IRS1: variants seen among roughly 807,000 people sequenced by gnomAD.
IRS1 encodes the protein insulin receptor substrate 1.
In IRS1, 34 loss-of-function variants were observed where a neutral mutation model predicts 65.6. The observed-to-expected ratio is 0.52, with a 90% confidence interval of 0.39 to 0.69. The LOEUF (loss-of-function observed/expected upper bound fraction) is 0.69, where lower values mean the gene tolerates loss of function less well. Ranked by LOEUF, IRS1 falls within the 30% of genes least tolerant of loss-of-function variation. The pLI is 0.00. For missense variants in IRS1, 1,641 were observed against 1,720.2 expected (o/e 0.95, Z 0.81); for synonymous variants, 699 against 683.5 (o/e 1.02, Z -0.35).
chr2:226,799,390 T>TGCCGCC lies in IRS1; in HGVS notation c.-658_-653dup, dbSNP rs1232830505. On this transcript the variant is annotated 5_prime_UTR_variant, in exon 1 of 2. Coordinates refer to ENST00000305123, the MANE Select transcript of IRS1 (RefSeq NM_005544.3). The surrounding 1 kb of genome is among the most constrained non-coding windows in gnomAD (Gnocchi z 6.1). ...TTGCTGCTGCTGCTGCTGCTGCTGCTGCCGCCGCCCGCGGGCGCGTCCTCT... is the reference window on the plus strand; with the variant it reads ...TTGCTGCTGCTGCTGCTGCTGCTGCTGCCGCCGCCGCCGCCCGCGGGCGCGTCCTCT... 1.1e-4 allele frequency: 144 copies of TGCCGCC among 1,259,854 alleles called. No homozygotes were observed. The African/African-American group carries it at 1.9e-3, about 17-fold the overall frequency. The allele number at this position is 1,259,854 out of a possible 1,614,324, so 78.0% of individuals were successfully genotyped here. A position where few individuals can be genotyped will look rare whatever the true frequency, so the allele number is the denominator to read the frequency against.
chr2:226,781,270 C>T (rs936759201), intron 1 of IRS1, among the ~76,000 whole-genome samples: 4 of 152,166 alleles, frequency 2.6e-5, no homozygotes, highest in Admixed American at 1.3e-4. Context: ...TTCAGAACTC[C>T]TCTCAGCTAA....
chr2:226,748,681 T>C (rs1938608538), intron 1 of IRS1, among the ~76,000 whole-genome samples: 2 of 152,058 alleles, frequency 1.3e-5, no homozygotes, highest in Non-Finnish European at 2.9e-5. Context: ...AGTAGTCAAA[T>C]GCAAGACTGA....
At chr2:226,738,226 T>C (rs1574637661) in intron 1 of IRS1, among the ~76,000 whole-genome samples, 1 of 152,224 alleles carries the variant, frequency 6.6e-6, no homozygotes, top group African/African-American at 2.4e-5. Context: ...TGGACCGATA[T>C]ATTAGGGTGG....
At chr2:226,791,182 C>T (rs542197517) in intron 1 of IRS1, among the ~76,000 whole-genome samples, 2 of 152,108 alleles carry the variant, frequency 1.3e-5, no homozygotes, top group South Asian at 2.1e-4. Flanking sequence ...CCCCCATGAC[C>T]CAAAACGATG....
At chr2:226,764,764 G>T (rs1347236364) in intron 1 of IRS1, among the ~76,000 whole-genome samples, 1 of 152,140 alleles carries the variant, frequency 6.6e-6, no homozygotes, top group Non-Finnish European at 1.5e-5. Context: ...TCACCTCTTG[G>T]GTTGCCGTCG....
At chr2:226,776,120 G>T (rs1939267654) in intron 1 of IRS1, among the ~76,000 whole-genome samples, 1 of 152,056 alleles carries the variant, frequency 6.6e-6, no homozygotes, top group Non-Finnish European at 1.5e-5. Context: ...GTGTCAAAAA[G>T]TAAGGGAATG....
At chr2:226,758,121 C>G (rs1938842671) in intron 1 of IRS1, among the ~76,000 whole-genome samples, 1 of 152,158 alleles carries the variant, frequency 6.6e-6, no homozygotes, top group Admixed American at 6.5e-5. Flanking sequence ...ACAGCTTCTT[C>G]CCCTAATTAT....
chr2:226,787,563 T>C (rs916211082), intron 1 of IRS1, among the ~76,000 whole-genome samples: 5 of 152,088 alleles, frequency 3.3e-5, no homozygotes, highest in Non-Finnish European at 5.9e-5. Flanking sequence ...ATTTGGAACA[T>C]GATAGGTGCT....
intron 1 of IRS1, among the ~76,000 whole-genome samples, chr2:226,776,197 C>T (rs73992209): frequency 0.075 from 11,421 of 152,134 alleles, 699 homozygotes; most frequent in African/African-American, 0.17. Flanking sequence ...CAGGCGCCAA[C>T]TGAAAGGGCT....
intron 1 of IRS1, among the ~76,000 whole-genome samples, chr2:226,785,875 C>T (rs57444450): frequency 0.051 from 6,543 of 128,264 alleles, 314 homozygotes; most frequent in African/African-American, 0.1. Flanking sequence ...GTATATCTCC[C>T]AATGCTATCC....
intron 1 of IRS1, among the ~76,000 whole-genome samples, chr2:226,762,198 G>T (rs888279352): frequency 2.0e-5 from 3 of 152,120 alleles, no homozygotes; most frequent in African/African-American, 7.2e-5. Flanking sequence ...CTATAAATAT[G>T]CTCTATCACT....
chr2:226,759,912 C>T (rs1938880296), intron 1 of IRS1, among the ~76,000 whole-genome samples: 3 of 152,214 alleles, frequency 2.0e-5, no homozygotes, highest in African/African-American at 7.2e-5. Flanking sequence ...CTGTGGCTCA[C>T]ACCTGTAATC....
chr2:226,741,881 A>G (rs1232405358), intron 1 of IRS1, among the ~76,000 whole-genome samples: 1 of 151,906 alleles, frequency 6.6e-6, no homozygotes, highest in Admixed American at 6.6e-5. Context: ...AGTTCTGGTA[A>G]TAGATGGGTG....
intron 1 of IRS1, among the ~76,000 whole-genome samples, chr2:226,741,810 CACACACACACACACACATA>C (rs1328305618): frequency 6.7e-6 from 1 of 149,038 alleles, no homozygotes; most frequent in African/African-American, 2.5e-5. Flanking sequence ...CACACACACA[CACACACACACACACACATA>C]ACACACACAC....
rs182420602 is a variant in IRS1 at position 226,789,233 on chromosome 2, A to G, written c.*21+5756T>C. On this transcript the variant is annotated intron_variant, in intron 1 of 1. Transcript: ENST00000305123. ...ATTATAGTGAGAGGATTGGAAAAGC[A>G]TAAGTCCGTGGAGTTTCTTAAGAGG... Among the ~76,000 whole-genome samples, 95 of 152,368 alleles carry G rather than the reference A, an allele frequency of 6.2e-4. 1 individual carries two copies. The highest frequency in any genetic ancestry group is 1.9e-3 in the African/African-American group (79 of 41,592).
chr2:226,736,370 G>C (rs758054175), intron 1 of IRS1, 120 bp from the exon 2 acceptor site: 9 of 152,110 alleles, frequency 5.9e-5, no homozygotes, highest in Non-Finnish European at 1.0e-4. Context: ...GGCACAAATA[G>C]TACTGTCCAC....
intron 1 of IRS1, among the ~76,000 whole-genome samples, chr2:226,760,724 C>T (rs1032106285): frequency 6.6e-6 from 1 of 152,156 alleles, no homozygotes; most frequent in African/African-American, 2.4e-5. Flanking sequence ...ATGTTTAATC[C>T]CTCAAGCACC....
intron 1 of IRS1, among the ~76,000 whole-genome samples, chr2:226,763,441 T>C (rs1333586129): frequency 1.3e-5 from 2 of 151,142 alleles, no homozygotes; most frequent in African/African-American, 2.5e-5. Context: ...CATTCATGCA[T>C]GCCACATCTC....
intron 1 of IRS1, among the ~76,000 whole-genome samples, chr2:226,747,038 C>T (rs934396376): frequency 6.6e-6 from 1 of 152,012 alleles, no homozygotes; most frequent in Non-Finnish European, 1.5e-5. Flanking sequence ...GATCCACCTG[C>T]CTCTGCCTCC....
Sources: allele counts gnomAD v4.1 joint callset (sites outside exome capture counted in the v4.1 genomes callset), GRCh38; gene constraint gnomAD v4.1.1; non-coding constraint Gnocchi (gnomAD v3.1); transcripts MANE v1.5; gene names NCBI Gene and HGNC (gene_info 2026-07-23, HGNC 2026-07-21).